The following ZNF445 variants were observed in gnomAD, a reference collection of about 807,000 sequenced individuals.
The protein encoded by ZNF445 is zinc finger protein 445, also known as zinc finger protein 168.
ZNF445 carries 19 observed loss-of-function variants against 93.9 expected under a neutral mutation model. The ratio of observed to expected loss-of-function variants is 0.20; its 90% CI spans 0.14 to 0.30. The LOEUF is 0.30. Ranked by LOEUF, ZNF445 falls within the 10% of genes least tolerant of loss-of-function variation. The pLI, the probability that ZNF445 is intolerant of heterozygous loss-of-function variation, is 1.00. For synonymous variants in ZNF445, 449 were observed against 446.3 expected, an observed-to-expected ratio of 1.01 and a Z score of -0.08; for missense variants, 1,058 against 1,259.4, an observed-to-expected ratio of 0.84 and a Z score of 2.42.
chr3:44,453,253 ATATATG>A (rs1298650008), intron 3 of ZNF445, among the ~76,000 whole-genome samples: 4 of 151,868 alleles, frequency 2.6e-5, no homozygotes, highest in Admixed American at 6.6e-5. Context: ...AGAATCATAT[ATATATG>A]TATATGTATG....
At position 44,447,534 on chromosome 3, in the gene ZNF445, C is replaced by G; in HGVS notation, c.2137G>C (p.Asp713His). 2 of 1,614,164 alleles carry G rather than the reference C, an allele frequency of 1.2e-6. No individual in the cohort carries two copies. The highest frequency in any genetic ancestry group is 1.7e-6 in the Non-Finnish European group (2 of 1,180,018). The change falls in exon 8 of 8, where the codon GAT (aspartate) becomes CAT (histidine). Residue 713 changes from aspartate (D) to histidine (H), a missense_variant. Asp to His is a moderately conservative substitution (Grantham distance 81, BLOSUM62 -1). Coordinates refer to ENST00000396077, the MANE Select transcript of ZNF445 (RefSeq NM_181489.6). The surrounding 1 kb of genome is among the most constrained non-coding windows in gnomAD (Gnocchi z 4.7). ...CTATAGGCAAAGTCCTTCCCACAAT[C>G]GCTACACTGGTAAGGTTTCTCACCT... ...HTGEKPYQCSDCGKDFAYRSA... is the reference protein window; with the variant it reads ...HTGEKPYQCSHCGKDFAYRSA...
rs1697929572 is a variant in ZNF445, at chr3:44,449,555, G to C, written c.889C>G (p.Gln297Glu). The C allele has an allele frequency of 6.2e-7, 1 of 1,614,182 alleles. No individual in the cohort carries two copies. The highest frequency in any genetic ancestry group is 1.1e-5 in the South Asian group (1 of 91,084). Residue 297 changes from glutamine (Q) to glutamate (E), a missense_variant, in exon 7 of 8, where the codon CAG becomes GAG. This residue lies in a region of ZNF445 where 657 missense variants were observed against 746.4 expected (regional missense o/e 0.88). Transcript: ENST00000396077. ...GGATTCCCCTTAGGCTGAGCTGCCT[G>C]CATGTTCAGGCCCCATGGCTCCCTT... The part of the protein sequence containing the change: ...EAREPWGLNM[Q>E]AAQPKGNPVA...
intron 1 of ZNF445, among the ~76,000 whole-genome samples, chr3:44,463,396 C>T: frequency 6.6e-6 from 1 of 152,194 alleles, no homozygotes; most frequent in Non-Finnish European, 1.5e-5. Context: ...TAGCCTGGGA[C>T]TCATTGGGAA....
rs149845602 is a variant in ZNF445 at position 44,445,704 on chromosome 3, C to T, written c.*871G>A. On this transcript the variant is annotated 3_prime_UTR_variant, in exon 8 of 8. Transcript: ENST00000396077. ...CAGACTATCTAAAATCACGACTGAT[C>T]TCCCAATCCAGCACTCCCTCTGCTC... 707 of 152,594 alleles carry T rather than the reference C, an allele frequency of 4.6e-3. 6 individuals carry two copies. Among genetic ancestry groups the T allele is most frequent in the Non-Finnish European group, 8.4e-3 (574 of 68,238 alleles). The allele number at this position is 152,594 out of a possible 1,614,324, so 9.5% of individuals were successfully genotyped here.
chr3:44,463,181 C>T (rs1383433869), intron 1 of ZNF445, among the ~76,000 whole-genome samples: 1 of 152,076 alleles, frequency 6.6e-6, no homozygotes, highest in Admixed American at 6.6e-5. Context: ...GAATTACAGG[C>T]ATCTGCCACC....
chr3:44,461,992 G>A (rs1698120496), intron 1 of ZNF445, among the ~76,000 whole-genome samples: 1 of 152,078 alleles, frequency 6.6e-6, no homozygotes, highest in African/African-American at 2.4e-5. Context: ...TACCAGCCAA[G>A]TTTCTGGTCT....
At chr3:44,456,353 G>A (rs1698027836) in intron 2 of ZNF445, among the ~76,000 whole-genome samples, 1 of 152,050 alleles carries the variant, frequency 6.6e-6, no homozygotes, top group Non-Finnish European at 1.5e-5. Flanking sequence ...GGAGGCAGAG[G>A]TTGCAGTGAA....
In ZNF445 at chr3:44,448,703, A is replaced by G; in HGVS notation, c.968T>C (p.Leu323Ser). 2 of 1,613,342 alleles carry G rather than the reference A, an allele frequency of 1.2e-6. No individual in the cohort carries two copies. The highest frequency in any genetic ancestry group is 1.7e-6 in the Non-Finnish European group (2 of 1,179,856). ...TGCTTCTTCCAAAGGTTCCTGATTT[A>G]AGATGAATTTGTTTGTTTTACTCTG... ...DLQSKTNKFILNQEPLEEAET... is the reference protein window; with the variant it reads ...DLQSKTNKFISNQEPLEEAET... The change falls in exon 8 of 8, where the codon TTA becomes TCA. Residue 323 changes from leucine (L) to serine (S), a missense_variant. Around this residue, in one of 3 missense-constraint regions of ZNF445, gnomAD observed 657 missense variants for 746.4 expected, o/e 0.88. Transcript: ENST00000396077.
chr3:44,465,492 A>T (rs1698180837), intron 1 of ZNF445, among the ~76,000 whole-genome samples: 1 of 152,260 alleles, frequency 6.6e-6, no homozygotes, highest in Non-Finnish European at 1.5e-5. Context: ...GTGTCCGAAT[A>T]ACAGGGTTTT....
chr3:44,450,291 TCAAAAGAGGC>T, intron 6 of ZNF445, 146 bp downstream of exon 6: 3 of 868,276 alleles, frequency 3.5e-6, no homozygotes, highest in South Asian at 1.6e-5. Context: ...TCCCCATTTT[TCAAAAGAGGC>T]TACCAAGGTG....
Position 44,447,682 on chromosome 3 carries a change from C to A in ZNF445, c.1989G>T (p.Arg663Ser). 6.2e-7 allele frequency: 1 copy of A among 1,614,112 alleles called. No homozygotes were observed. Among genetic ancestry groups the A allele is most frequent in the South Asian group, 1.1e-5 (1 of 91,080 alleles). Residue 663 changes from arginine (R) to serine (S), a missense_variant, in exon 8 of 8, where the codon AGG (arginine) becomes AGT (serine). Physicochemically the swap from Arg to Ser is moderately radical, Grantham distance 110. Transcript: ENST00000396077. This position sits in a 1 kb window ranked among gnomAD's most constrained non-coding sequence, Gnocchi z 4.7. ...GGGGCTGACTGCAGTCAGGAGATTG[C>A]CTGAAGCCTTCACGACATTCATCTT... ...YKQDECREGFRQSPDCSQPQG... is the reference protein window; with the variant it reads ...YKQDECREGFSQSPDCSQPQG...
intron 2 of ZNF445, among the ~76,000 whole-genome samples, chr3:44,458,012 CAA>C (rs549514697): frequency 6.4e-5 from 6 of 94,032 alleles, no homozygotes; most frequent in Non-Finnish European, 8.0e-5. Context: ...GACTCCGTCT[CAA>C]AAAAAAAAAA....
At position 44,441,597 on chromosome 3, in the gene ZNF445, T is replaced by C. The variant is rs942135572; in HGVS notation, c.*4978A>G. On this transcript the variant is annotated 3_prime_UTR_variant, in exon 8 of 8. Transcript: ENST00000396077. ...AGGTGGCTCACTCTAAGTAACATCATGTACCTGGCAGGGATTTCTATAAAG... is the reference window on the plus strand; with the variant it reads ...AGGTGGCTCACTCTAAGTAACATCACGTACCTGGCAGGGATTTCTATAAAG... 3 of 152,214 alleles carry C rather than the reference T, an allele frequency of 2.0e-5. No homozygotes were observed. Among genetic ancestry groups the C allele is most frequent in the East Asian group, 3.8e-4 (2 of 5,198 alleles). 9.4% of individuals were successfully genotyped at this position (152,214 alleles called of 1,614,324 possible). A position where few individuals can be genotyped will look rare whatever the true frequency, so the allele number is the denominator to read the frequency against.
At chr3:44,463,879 G>T (rs948604357) in intron 1 of ZNF445, among the ~76,000 whole-genome samples, 1 of 152,018 alleles carries the variant, frequency 6.6e-6, no homozygotes, top group African/African-American at 2.4e-5. Flanking sequence ...TGTAAGCCCA[G>T]CACTTTGGGA....
At chr3:44,450,385 C>T (rs1030772492) in intron 6 of ZNF445, 62 bp downstream of exon 6, 3 of 1,609,566 alleles carry the variant, frequency 1.9e-6, no homozygotes, top group Admixed American at 3.3e-5. Context: ...CTATGCAGCA[C>T]AGAACAACCC....
At chr3:44,463,632 A>T (rs1451961404) in intron 1 of ZNF445, among the ~76,000 whole-genome samples, 1 of 152,178 alleles carries the variant, frequency 6.6e-6, no homozygotes, top group Non-Finnish European at 1.5e-5. Flanking sequence ...TAGGAAATAT[A>T]CTTTAAGGGA....
In ZNF445 at chr3:44,437,612, T is replaced by A. The variant is rs1697710945; in HGVS notation, c.*8963A>T. ...CCTTTTATTAAGAGGGGCCTCTAAC[T>A]CACTCTGTCTTAGGAGAAACTCCAA... On this transcript the variant is annotated 3_prime_UTR_variant, in exon 8 of 8. Transcript: ENST00000396077. The A allele has an allele frequency of 6.6e-6, 1 of 152,142 alleles. No homozygotes were observed. The highest frequency in any genetic ancestry group is 2.4e-5 in the African/African-American group (1 of 41,440). 9.4% of individuals were successfully genotyped at this position (152,142 alleles called of 1,614,324 possible).
intron 2 of ZNF445, among the ~76,000 whole-genome samples, chr3:44,457,307 T>C (rs1217574316): frequency 1.3e-5 from 2 of 152,114 alleles, no homozygotes; most frequent in Non-Finnish European, 2.9e-5. Flanking sequence ...GGTCTCTTTC[T>C]GCTGCCCAGG....
chr3:44,477,434 C>T (rs1208203552), intron 1 of ZNF445, among the ~76,000 whole-genome samples, 157 bp downstream of exon 1: 1 of 151,712 alleles, frequency 6.6e-6, no homozygotes, highest in Admixed American at 6.6e-5. Context: ...CTCAGCGTGG[C>T]GGGGGCGGGA....
Sources: gnomAD v4.1 joint callset for allele counts (sites outside exome capture counted in the v4.1 genomes callset) on GRCh38, gnomAD v4.1.1 for gene constraint, gnomAD v4.1.1 regional missense constraint, Gnocchi (gnomAD v3.1) non-coding constraint, MANE v1.5 for transcripts, NCBI Gene and HGNC (gene_info 2026-07-23, HGNC 2026-07-21) for gene names.